GADL1: variants seen among roughly 807,000 people sequenced by gnomAD.
GADL1 encodes acidic amino acid decarboxylase GADL1.
In GADL1, 71 loss-of-function variants were observed where a neutral mutation model predicts 69.5. The ratio of observed to expected loss-of-function variants is 1.02; its 90% CI spans 0.84 to 1.25. The LOEUF (loss-of-function observed/expected upper bound fraction) is 1.25, where lower values mean the gene tolerates loss of function less well. GADL1 is among the 50% of genes most tolerant of loss of function. GADL1 has a pLI of 0.00. For missense variants in GADL1, 737 were observed against 631.8 expected, an observed-to-expected ratio of 1.17 and a Z score of -1.79; for synonymous variants, 254 against 214.4, an observed-to-expected ratio of 1.18 and a Z score of -1.62.
chr3:30,857,292 AATGTAG>A (rs1301328811), intron 2 of GADL1, among the ~76,000 whole-genome samples, 151 bp from the exon 3 acceptor site: 3 of 152,044 alleles, frequency 2.0e-5, no homozygotes, highest in African/African-American at 4.8e-5. Context: ...CTATTACAGT[AATGTAG>A]ATGTTGATGG....
intron 1 of GADL1, among the ~76,000 whole-genome samples, chr3:30,882,843 G>GTT (rs370810304): frequency 6.8e-6 from 1 of 146,956 alleles, no homozygotes; most frequent in Non-Finnish European, 1.5e-5. Flanking sequence ...CAGGTGGTTG[G>GTT]TTTTTTTTTT....
intron 14 of GADL1, among the ~76,000 whole-genome samples, chr3:30,737,836 G>T (rs191018321): frequency 6.6e-6 from 1 of 152,120 alleles, no homozygotes; most frequent in Non-Finnish European, 1.5e-5. Flanking sequence ...CCTCATTCAT[G>T]TTCTTTCCAA....
rs994679691 is a variant in GADL1, at chr3:30,758,703, T to A, written c.1392+19476A>T. ...ATTCTTATCACTGAGATAAAGGTTT[T>A]CATGGTGACTCCATTCAAGAGGACT... On this transcript the variant is annotated intron_variant, in intron 14 of 14. Coordinates refer to ENST00000282538, the MANE Select transcript of GADL1 (RefSeq NM_207359.3). 3.9e-5 allele frequency among the ~76,000 whole-genome samples: 6 copies of A among 152,350 alleles called. No homozygotes were observed. The South Asian group carries it at 1.2e-3, about 32-fold the overall frequency.
At position 30,833,928 on chromosome 3, in the gene GADL1, G is replaced by A; in HGVS notation, c.975C>T (p.Asp325=). The A allele has an allele frequency of 6.2e-7, 1 of 1,611,396 alleles. No homozygotes were observed. Among genetic ancestry groups the A allele is most frequent in the Non-Finnish European group, 8.5e-7 (1 of 1,177,974 alleles). The change falls in exon 11 of 15, where the codon GAC becomes GAT. Residue 325 remains aspartate (D), a synonymous_variant. Transcript: ENST00000282538. ...RKLLHGIHRA[D]SVAWNPHKML... Reference sequence around the variant, plus strand: ...TCTTGTGTGGGTTCCAGGCCACAGAGTCAGCCCTATTGTTTAAACAAAGGG... The same window carrying A: ...TCTTGTGTGGGTTCCAGGCCACAGAATCAGCCCTATTGTTTAAACAAAGGG...
chr3:30,773,551 A>G (rs1192367223), intron 14 of GADL1, among the ~76,000 whole-genome samples: 1 of 152,154 alleles, frequency 6.6e-6, no homozygotes, highest in East Asian at 1.9e-4. Context: ...ACTTAAGTAT[A>G]CTTAAGCATA....
intron 3 of GADL1, among the ~76,000 whole-genome samples, chr3:30,856,313 C>A (rs949061676): frequency 1.3e-5 from 2 of 152,008 alleles, no homozygotes; most frequent in African/African-American, 4.8e-5. Flanking sequence ...ATTATTCTCC[C>A]ATTTTTGAAA....
chr3:30,812,916 C>T (rs545634293), intron 11 of GADL1, among the ~76,000 whole-genome samples: 6 of 150,974 alleles, frequency 4.0e-5, no homozygotes, highest in Non-Finnish European at 5.9e-5. Flanking sequence ...TAGGGTAGAT[C>T]GGGGAAGAAG....
At chr3:30,884,106 G>A (rs1385019120) in intron 1 of GADL1, among the ~76,000 whole-genome samples, 1 of 151,882 alleles carries the variant, frequency 6.6e-6, no homozygotes, top group Non-Finnish European at 1.5e-5. Flanking sequence ...GGGAATGAGA[G>A]GGATGCATTC....
rs1268539126 is a variant in GADL1 at position 30,894,653 on chromosome 3, C to T, written c.-39G>A. 5 of 1,544,952 alleles carry T rather than the reference C, an allele frequency of 3.2e-6. No homozygotes were observed. Among genetic ancestry groups the T allele is most frequent in the Non-Finnish European group, 4.4e-6 (5 of 1,142,336 alleles). On this transcript the variant is annotated 5_prime_UTR_variant, in exon 1 of 15. Coordinates refer to ENST00000282538, the MANE Select transcript of GADL1 (RefSeq NM_207359.3). ...CTCCAGGCTGCCCCGGGCGCGGCTCCCGCAGTCTGGGCGGCGACGGTGGTT... is the reference window on the plus strand; with the variant it reads ...CTCCAGGCTGCCCCGGGCGCGGCTCTCGCAGTCTGGGCGGCGACGGTGGTT...
chr3:30,741,787 T>C (rs918338907), intron 14 of GADL1, among the ~76,000 whole-genome samples: 35 of 152,214 alleles, frequency 2.3e-4, no homozygotes, highest in Admixed American at 1.9e-3. Flanking sequence ...GCAATTTTGT[T>C]TGACACTTCT....
intron 1 of GADL1, among the ~76,000 whole-genome samples, chr3:30,865,113 C>T (rs1698380264): frequency 6.6e-6 from 1 of 151,910 alleles, no homozygotes; most frequent in Non-Finnish European, 1.5e-5. Flanking sequence ...TCACACAGCT[C>T]TATCATCTGT....
rs990962092 is a variant in GADL1, at chr3:30,727,216, T to C, written c.*1026A>G. On this transcript the variant is annotated 3_prime_UTR_variant, in exon 15 of 15. Coordinates refer to ENST00000282538, the MANE Select transcript of GADL1 (RefSeq NM_207359.3). ...TAAAAAGCACCCCAGTTCAGGTATCTTGAATAAAGAAAATTAGTCATAGAC... is the reference window on the plus strand; with the variant it reads ...TAAAAAGCACCCCAGTTCAGGTATCCTGAATAAAGAAAATTAGTCATAGAC... 4 of 149,982 alleles carry C rather than the reference T, an allele frequency of 2.7e-5. No homozygotes were observed. The highest frequency in any genetic ancestry group is 9.8e-5 in the African/African-American group (4 of 40,820). 9.3% of individuals were successfully genotyped at this position (149,982 alleles called of 1,614,324 possible).
At chr3:30,849,363 T>C (rs1212514287) in intron 6 of GADL1, among the ~76,000 whole-genome samples, 1 of 152,154 alleles carries the variant, frequency 6.6e-6, no homozygotes, top group Non-Finnish European at 1.5e-5. Context: ...TTTTTACAAA[T>C]TTAGGAAACT....
At chr3:30,764,241 G>A (rs1016986664) in intron 14 of GADL1, among the ~76,000 whole-genome samples, 2 of 151,812 alleles carry the variant, frequency 1.3e-5, no homozygotes, top group East Asian at 1.9e-4. Context: ...TTTTAGATCC[G>A]AGTCATTTTC....
intron 1 of GADL1, among the ~76,000 whole-genome samples, chr3:30,876,909 T>A (rs1698583584): frequency 6.6e-6 from 1 of 151,896 alleles, no homozygotes; most frequent in Admixed American, 6.6e-5. Flanking sequence ...TTATTATGCA[T>A]CCTCTATTGG....
intron 4 of GADL1, among the ~76,000 whole-genome samples, chr3:30,852,626 AAT>A (rs1488995934): frequency 6.7e-6 from 1 of 150,336 alleles, no homozygotes; most frequent in Non-Finnish European, 1.5e-5. Context: ...ATATATATAA[AAT>A]AGTTACTTTC....
chr3:30,736,952 T>C (rs1695549039), intron 14 of GADL1, among the ~76,000 whole-genome samples: 1 of 152,180 alleles, frequency 6.6e-6, no homozygotes. Context: ...CTTGGACCCA[T>C]GAAAAGGCCA....
Position 30,847,505 on chromosome 3 carries a change from T to G in GADL1, c.651+2491A>C, listed in dbSNP as rs542926928. Among the ~76,000 whole-genome samples the G allele has an allele frequency of 8.7e-4, 132 of 152,306 alleles. 1 individual carries two copies. The highest frequency in any genetic ancestry group is 3.4e-3 in the Middle Eastern group (1 of 294). ...TACTAAACACAACCTTCTTTAATTC[T>G]TTAATGAAATAGATGGATTTGTTGT... On this transcript the variant is annotated intron_variant, in intron 6 of 14. Coordinates refer to ENST00000282538, the MANE Select transcript of GADL1 (RefSeq NM_207359.3).
At chr3:30,742,486 T>G (rs553701465) in intron 14 of GADL1, among the ~76,000 whole-genome samples, 1 of 152,270 alleles carries the variant, frequency 6.6e-6, no homozygotes, top group South Asian at 2.1e-4. Flanking sequence ...GTACATCTAC[T>G]GCAGTACATT....
Sources: gnomAD v4.1 joint callset for allele counts (sites outside exome capture counted in the v4.1 genomes callset) on GRCh38, gnomAD v4.1.1 for gene constraint, MANE v1.5 for transcripts, NCBI Gene and HGNC (gene_info 2026-07-23, HGNC 2026-07-21) for gene names.